CCDC91: variants seen among roughly 807,000 people sequenced by gnomAD.
The protein encoded by CCDC91 is coiled-coil domain containing 91.
In CCDC91, 48 loss-of-function variants were observed where a neutral mutation model predicts 63.2. The ratio of observed to expected loss-of-function variants is 0.76; its 90% CI spans 0.60 to 0.97. The LOEUF (loss-of-function observed/expected upper bound fraction) is 0.97, where lower values mean the gene tolerates loss of function less well. CCDC91 is among the 50% of genes least tolerant of loss of function. The probability of loss-of-function intolerance (pLI) is 0.00; values close to 1 mark genes in which losing one functional copy is unlikely to be tolerated. For synonymous variants in CCDC91, 167 were observed against 165.8 expected, an observed-to-expected ratio of 1.01 and a Z score of -0.06; for missense variants, 500 against 494.6, an observed-to-expected ratio of 1.01 and a Z score of -0.10.
At chr12:28,469,880 G>A (rs1950726233) in intron 11 of CCDC91, among the ~76,000 whole-genome samples, 1 of 152,038 alleles carries the variant, frequency 6.6e-6, no homozygotes, top group African/African-American at 2.4e-5. Context: ...AAACTGGATA[G>A]CTGTATACAG....
chr12:28,199,971 T>C (rs1942084602), intron 1 of CCDC91, among the ~76,000 whole-genome samples: 1 of 152,160 alleles, frequency 6.6e-6, no homozygotes, highest in Admixed American at 6.5e-5. Context: ...ATGTATAGAT[T>C]AATGCTTTTC....
chr12:28,530,608 G>A (rs774361878), intron 12 of CCDC91, among the ~76,000 whole-genome samples: 2 of 152,146 alleles, frequency 1.3e-5, no homozygotes, highest in African/African-American at 4.8e-5. Flanking sequence ...GAGTGGATAA[G>A]GATGTGTCAG....
At chr12:28,521,421 C>T (rs562295599) in intron 12 of CCDC91, among the ~76,000 whole-genome samples, 8 of 152,104 alleles carry the variant, frequency 5.3e-5, no homozygotes, top group African/African-American at 1.7e-4. Flanking sequence ...CACATTGATT[C>T]TGTATCCTGA....
chr12:28,272,199 A>G (rs999620626), intron 3 of CCDC91, among the ~76,000 whole-genome samples: 9 of 151,940 alleles, frequency 5.9e-5, no homozygotes, highest in African/African-American at 2.2e-4. Flanking sequence ...TTACTGTGAT[A>G]TACTACATAA....
intron 1 of CCDC91, among the ~76,000 whole-genome samples, chr12:28,241,949 T>C (rs1304938937): frequency 7.7e-6 from 1 of 130,364 alleles, no homozygotes; most frequent in African/African-American, 3.0e-5. Context: ...TGTGCTGATA[T>C]AGCGCCATTA....
intron 11 of CCDC91, among the ~76,000 whole-genome samples, chr12:28,455,216 C>A (rs1474857974): frequency 6.6e-6 from 1 of 151,844 alleles, no homozygotes. Flanking sequence ...TATTTGTTGT[C>A]CAAAATTTTC....
At chr12:28,364,459 T>C (rs1298893486) in intron 7 of CCDC91, among the ~76,000 whole-genome samples, 2 of 152,334 alleles carry the variant, frequency 1.3e-5, no homozygotes, top group East Asian at 1.9e-4. Flanking sequence ...ATAATGTTTT[T>C]AATATTTTTT....
intron 11 of CCDC91, among the ~76,000 whole-genome samples, chr12:28,480,273 A>AT (rs1455176781): frequency 6.6e-6 from 1 of 151,846 alleles, no homozygotes; most frequent in African/African-American, 2.4e-5. Context: ...GAGCTCACCT[A>AT]TTTTTTTAAG....
At chr12:28,289,902 C>T (rs1438769592) in intron 3 of CCDC91, among the ~76,000 whole-genome samples, 2 of 151,798 alleles carry the variant, frequency 1.3e-5, no homozygotes, top group African/African-American at 4.8e-5. Flanking sequence ...CCGTGTTAGC[C>T]AGGATGGTCT....
chr12:28,524,877 T>G (rs1941118680), intron 12 of CCDC91, among the ~76,000 whole-genome samples: 1 of 152,162 alleles, frequency 6.6e-6, no homozygotes, highest in Non-Finnish European at 1.5e-5. Flanking sequence ...TTCTGGTTTA[T>G]GCACATAAAG....
intron 7 of CCDC91, among the ~76,000 whole-genome samples, chr12:28,384,474 A>G (rs1376598999): frequency 2.0e-5 from 3 of 152,130 alleles, no homozygotes; most frequent in East Asian, 1.9e-4. Context: ...ACCAAAATCA[A>G]TGCTACATAT....
intron 12 of CCDC91, among the ~76,000 whole-genome samples, chr12:28,486,153 TC>T (rs1951713704): frequency 6.6e-6 from 1 of 152,132 alleles, no homozygotes; most frequent in African/African-American, 2.4e-5. Context: ...TCTAACCCAA[TC>T]CCCTGGTATC....
At chr12:28,386,244 G>T (rs1945590666) in intron 7 of CCDC91, among the ~76,000 whole-genome samples, 1 of 152,088 alleles carries the variant, frequency 6.6e-6, no homozygotes, top group African/African-American at 2.4e-5. Flanking sequence ...TTCACACAGG[G>T]ATCATTACTT....
chr12:28,452,492 A>G lies in CCDC91; in HGVS notation c.939A>G (p.Ala313=), dbSNP rs1949856562. The G allele has an allele frequency of 6.4e-7, 1 of 1,565,680 alleles. No individual in the cohort carries two copies. The highest frequency in any genetic ancestry group is 2.0e-5 in the Admixed American group (1 of 50,800). The change falls in exon 11 of 13, where the codon GCA becomes GCG. Residue 313 remains alanine, a synonymous_variant. Transcript: ENST00000536442. ...TTATTTTGAAGCTTGAAAAAGAAGC[A>G]GTGAAGGATGCAGTTTTAAAAGTCG... The part of the protein sequence containing the change: ...LVSAAKLEKE[A]VKDAVLKVVE...
At chr12:28,426,095 T>C (rs1948299775) in intron 8 of CCDC91, among the ~76,000 whole-genome samples, 1 of 152,216 alleles carries the variant, frequency 6.6e-6, no homozygotes, top group Non-Finnish European at 1.5e-5. Context: ...TAATATGTGA[T>C]ATCACTAGTC....
rs1405833925 is a variant in CCDC91, at chr12:28,390,590, C to T, written c.655-714C>T. On this transcript the variant is annotated intron_variant, in intron 7 of 12. Transcript: ENST00000536442. ...ATCATCAAATGCTGATTTGGTTTTC[C>T]TTGAAACAGTGGTAATATCTTTATA... Among the ~76,000 whole-genome samples the T allele has an allele frequency of 3.3e-5, 5 of 152,000 alleles. 1 individual carries two copies.
chr12:28,350,409 A>G lies in CCDC91; in HGVS notation c.577-12029A>G, dbSNP rs578253762. 1.4e-4 allele frequency among the ~76,000 whole-genome samples: 21 copies of G among 152,332 alleles called. No homozygotes were observed. In the East Asian group the frequency reaches 4.1e-3, roughly 29 times the overall value. ...AGTAATTATTTTTAACACTTAGGTA[A>G]GAAGTAATTTGAAAAAGGCCATGTC... On this transcript the variant is annotated intron_variant, in intron 6 of 12. Coordinates refer to ENST00000536442, the MANE Select transcript of CCDC91 (RefSeq NM_018318.5).
At chr12:28,495,725 A>C (rs778067439) in intron 12 of CCDC91, among the ~76,000 whole-genome samples, 6 of 151,604 alleles carry the variant, frequency 4.0e-5, no homozygotes, top group Non-Finnish European at 8.9e-5. Flanking sequence ...TGTTGTGTGA[A>C]ATTAGGATCA....
At chr12:28,351,502 C>G (rs1195056437) in intron 6 of CCDC91, among the ~76,000 whole-genome samples, 2 of 152,136 alleles carry the variant, frequency 1.3e-5, no homozygotes, top group African/African-American at 2.4e-5. Context: ...GGCCTGTGCT[C>G]CAGGTCAGTT....
Sources: allele counts gnomAD v4.1 joint callset (sites outside exome capture counted in the v4.1 genomes callset), GRCh38; gene constraint gnomAD v4.1.1; transcripts MANE v1.5; gene names NCBI Gene and HGNC (gene_info 2026-07-23, HGNC 2026-07-21).